The following MYPN variants were observed in gnomAD, a reference collection of about 807,000 sequenced individuals.
MYPN encodes the protein myopalladin.
MYPN carries 63 observed loss-of-function variants against 129.4 expected under a neutral mutation model. That is an observed-to-expected ratio of 0.49 (90% CI 0.40 to 0.60). The LOEUF (loss-of-function observed/expected upper bound fraction) is 0.60, where lower values mean the gene tolerates loss of function less well. Among genes scored for constraint, MYPN ranks in the 20% least tolerant of loss-of-function variants. The pLI, the probability that MYPN is intolerant of heterozygous loss-of-function variation, is 0.00. For synonymous variants in MYPN, 629 were observed against 600.9 expected (o/e 1.05, Z -0.68); for missense variants, 1,596 against 1,635.4 (o/e 0.98, Z 0.42).
chr10:68,147,449 GC>G (rs962554397), intron 4 of MYPN, among the ~76,000 whole-genome samples: 1 of 152,138 alleles, frequency 6.6e-6, no homozygotes. Context: ...GAGCCACCGT[GC>G]CCCCTCCGGG....
rs71009019 is a variant in MYPN at position 68,182,471 on chromosome 10, T to TACACACAC, written c.2704-6414_2704-6407dup. ...ATATAACATATATATATAACATATA[T>TACACACAC]ACACACACACACACACACACACACA... On this transcript the variant is annotated intron_variant, in intron 12 of 19. Transcript: ENST00000358913. Among the ~76,000 whole-genome samples the TACACACAC allele has an allele frequency of 1.5e-3, 160 of 104,660 alleles. 3 individuals are homozygous for TACACACAC. Among genetic ancestry groups the TACACACAC allele is most frequent in the African/African-American group, 4.8e-3 (138 of 28,840 alleles). 68.7% of individuals were successfully genotyped at this position (104,660 alleles called of 152,430 possible).
chr10:68,136,011 G>C (rs560606004), intron 2 of MYPN, among the ~76,000 whole-genome samples: 3 of 152,300 alleles, frequency 2.0e-5, no homozygotes, highest in Admixed American at 2.0e-4. Flanking sequence ...CTTTTAACAA[G>C]CGTTATTACT....
rs764444384 is a variant in MYPN, at chr10:68,121,488, G to A, written c.50G>A (p.Arg17Lys). ...TCTACTTCCATATCTCAGCTTCTAA[G>A]AGAGAGCTATTTAGCTGAAACCAGA... Reference protein sequence around the residue: ...EASTSISQLLRESYLAETRHR... With the variant: ...EASTSISQLLKESYLAETRHR... The change falls in exon 2 of 20, where the codon AGA becomes AAA. Residue 17 changes from arginine (R) to lysine (K), a missense_variant. Transcript: ENST00000358913. The A allele has an allele frequency of 3.1e-6, 5 of 1,614,106 alleles. No individual in the cohort carries two copies. The highest frequency in any genetic ancestry group is 4.2e-6 in the Non-Finnish European group (5 of 1,179,954).
In MYPN at chr10:68,190,471, G is replaced by A. The variant is rs112664508; in HGVS notation, c.2925+1345G>A. Among the ~76,000 whole-genome samples, 627 of 152,224 alleles carry A rather than the reference G, an allele frequency of 4.1e-3. 3 individuals are homozygous for A. Among genetic ancestry groups the A allele is most frequent in the African/African-American group, 0.014 (588 of 41,558 alleles). ...CCTCCCAAAGTACTGGATTACAGGC[G>A]TGAGCCACCACGCCCAGCCTATTCA... is the stretch of plus-strand genomic sequence containing the variant. On this transcript the variant is annotated intron_variant, in intron 13 of 19. Coordinates refer to ENST00000358913, the MANE Select transcript of MYPN (RefSeq NM_032578.4).
chr10:68,094,408 GC>G (rs71006201), intron 1 of MYPN, among the ~76,000 whole-genome samples: 152,017 of 152,018 alleles, frequency 1, 76,008 homozygotes, highest in Non-Finnish European at 1. Context: ...GGGACTACAG[GC>G]TGCCTGCCAC....
intron 19 of MYPN, 122 bp from the exon 20 acceptor site, chr10:68,210,164 T>C: frequency 9.2e-7 from 1 of 1,087,102 alleles, no homozygotes; most frequent in Non-Finnish European, 1.4e-6. Flanking sequence ...GACCCAGGTA[T>C]AGTTATATGC....
intron 1 of MYPN, among the ~76,000 whole-genome samples, chr10:68,097,020 A>C (rs1217859994): frequency 6.6e-6 from 1 of 152,218 alleles, no homozygotes; most frequent in Non-Finnish European, 1.5e-5. Flanking sequence ...GGATTGTTTG[A>C]TACCTGGTTG....
rs923169496 is a variant in MYPN, at chr10:68,121,535, A to G, written c.97A>G (p.Ser33Gly). 8 of 1,614,114 alleles carry G rather than the reference A, an allele frequency of 5.0e-6. No individual in the cohort carries two copies. In the South Asian group the frequency reaches 8.8e-5, roughly 18 times the overall value. ...CAGACATCGGGGAAACAATGAGAGG[A>G]GTCGAGCGGAGCCCTCCTCCAACCC... ...ETRHRGNNER[S>G]RAEPSSNPCH... The change falls in exon 2 of 20, where the codon AGT becomes GGT. Residue 33 changes from serine (S) to glycine (G), a missense_variant. Physicochemically the swap from Ser to Gly is moderately conservative, Grantham distance 56. Transcript: ENST00000358913.
intron 12 of MYPN, among the ~76,000 whole-genome samples, chr10:68,184,864 G>A (rs2043395467): frequency 6.6e-6 from 1 of 152,142 alleles, no homozygotes; most frequent in Non-Finnish European, 1.5e-5. Context: ...GTGGGGGCTG[G>A]AAATGGGAGG....
chr10:68,090,748 C>T (rs1018532518), intron 1 of MYPN, among the ~76,000 whole-genome samples: 1 of 152,150 alleles, frequency 6.6e-6, no homozygotes, highest in Admixed American at 6.6e-5. Context: ...GTCTCCAAGA[C>T]ATACCTGCCC....
Position 68,171,744 on chromosome 10 carries a change from G to A in MYPN, c.1974-2322G>A, listed in dbSNP as rs548069519. Among the ~76,000 whole-genome samples, 5 of 152,352 alleles carry A rather than the reference G, an allele frequency of 3.3e-5. No homozygotes were observed. The East Asian group carries it at 9.6e-4, about 29-fold the overall frequency. ...TACTCAGAACTAGTTTTCCAAGTCA[G>A]TGATGCACTGGCAAATGTTTAATGA... On this transcript the variant is annotated intron_variant, in intron 10 of 19. Coordinates refer to ENST00000358913, the MANE Select transcript of MYPN (RefSeq NM_032578.4).
rs761893396 is a variant in MYPN at position 68,166,638 on chromosome 10, C to G, written c.1945C>G (p.Pro649Ala). The change falls in exon 10 of 20, where the codon CCC becomes GCC. Residue 649 changes from proline (P) to alanine (A), a missense_variant. Physicochemically the swap from Pro to Ala is conservative, Grantham distance 27 (BLOSUM62 -1). Transcript: ENST00000358913. ...AGAGCCTTCTTCCCCCGTGAAAGAG[C>G]CCCCTCCAGTTCTGGCCAAACCCAA... Reference protein sequence around the residue: ...TPEPSSPVKEPPPVLAKPKLD... With the variant: ...TPEPSSPVKEAPPVLAKPKLD... The G allele has an allele frequency of 3.1e-6, 5 of 1,613,878 alleles. No individual in the cohort carries two copies. The East Asian group carries it at 6.7e-5, about 22-fold the overall frequency.
Position 68,143,139 on chromosome 10 carries a change from A to G in MYPN, c.1078+24A>G, listed in dbSNP as rs763828740. On this transcript the variant is annotated intron_variant, in intron 3 of 19. Coordinates refer to ENST00000358913, the MANE Select transcript of MYPN (RefSeq NM_032578.4). ...AGGTAAAACAAAATGCTCTTGGAGT[A>G]TGACACTTAATAGTAAGACATTTAG... The G allele has an allele frequency of 3.7e-6, 6 of 1,602,432 alleles. No individual in the cohort carries two copies. The African/African-American group carries it at 8.0e-5, about 21-fold the overall frequency.
chr10:68,206,441 C>T (rs1264431480), intron 18 of MYPN, among the ~76,000 whole-genome samples: 2 of 152,148 alleles, frequency 1.3e-5, no homozygotes, highest in East Asian at 3.8e-4. Context: ...CCAGAGCATC[C>T]TAACAAAGTT....
At chr10:68,113,476 A>G (rs1027537902) in intron 1 of MYPN, among the ~76,000 whole-genome samples, 4 of 152,134 alleles carry the variant, frequency 2.6e-5, no homozygotes, top group Non-Finnish European at 4.4e-5. Context: ...TGGGTGGATC[A>G]CTTGAGCCCA....
At chr10:68,140,201 G>A (rs1420359850) in intron 2 of MYPN, among the ~76,000 whole-genome samples, 1 of 152,186 alleles carries the variant, frequency 6.6e-6, no homozygotes, top group Non-Finnish European at 1.5e-5. Context: ...GACCAACGTG[G>A]TTGGAACATA....
chr10:68,210,719 C>T lies in MYPN; in HGVS notation c.*264C>T. On this transcript the variant is annotated 3_prime_UTR_variant, in exon 20 of 20. Transcript: ENST00000358913. The stretch of plus-strand genomic sequence containing the variant: ...AAAGATGTCACACAGTTGCCATCCA[C>T]TGCTTTGGGAAAAAACTAGCATGCT... 5.3e-6 allele frequency: 3 copies of T among 565,320 alleles called. No individual in the cohort carries two copies. Among genetic ancestry groups the T allele is most frequent in the Non-Finnish European group, 1.0e-5 (3 of 298,674 alleles). The allele number at this position is 565,320 out of a possible 1,614,324, so 35.0% of individuals were successfully genotyped here.
intron 4 of MYPN, 73 bp downstream of exon 4, chr10:68,145,599 G>T (rs2042651783): frequency 7.7e-7 from 1 of 1,295,034 alleles, no homozygotes; most frequent in Non-Finnish European, 1.1e-6. Context: ...ATGATTAATT[G>T]GTTACTAGAA....
intron 2 of MYPN, among the ~76,000 whole-genome samples, chr10:68,126,941 C>A (rs1449851481): frequency 6.6e-6 from 1 of 152,218 alleles, no homozygotes; most frequent in Non-Finnish European, 1.5e-5. Flanking sequence ...ACCGTAAACA[C>A]AACTAATACT....
Sources: allele counts gnomAD v4.1 joint callset (sites outside exome capture counted in the v4.1 genomes callset), GRCh38; gene constraint gnomAD v4.1.1; transcripts MANE v1.5; gene names NCBI Gene and HGNC (gene_info 2026-07-23, HGNC 2026-07-21).